The following KCNN2 variants were observed in gnomAD, a reference collection of about 807,000 sequenced individuals.
KCNN2 encodes the protein potassium calcium-activated channel subfamily N member 2, also known as small conductance calcium-activated potassium channel protein 2.
In KCNN2, 24 loss-of-function variants were observed where a neutral mutation model predicts 55.5. The ratio of observed to expected loss-of-function variants is 0.43; its 90% confidence interval spans 0.31 to 0.61. The LOEUF (loss-of-function observed/expected upper bound fraction) is 0.61. Ranked by LOEUF, KCNN2 falls within the 20% of genes least tolerant of loss-of-function variation. The pLI, the probability that KCNN2 is intolerant of heterozygous loss-of-function variation, is 0.08. For missense variants in KCNN2, 754 were observed against 853.6 expected (o/e 0.88, Z 1.45); for synonymous variants, 431 against 336.1 (o/e 1.28, Z -3.09).
chr5:114,285,283 CAAAAAAA>C (rs70976334), intron 2 of KCNN2, among the ~76,000 whole-genome samples: 1 of 56,276 alleles, frequency 1.8e-5, no homozygotes, highest in Non-Finnish European at 3.0e-5. Context: ...ACTCCATCTC[CAAAAAAA>C]AAAAAAAAAA....
intron 2 of KCNN2, among the ~76,000 whole-genome samples, chr5:114,355,591 C>T (rs1757280985): frequency 6.6e-6 from 1 of 152,168 alleles, no homozygotes; most frequent in Non-Finnish European, 1.5e-5. Flanking sequence ...AGCCTGGCTT[C>T]CTTTCTCCGG....
At chr5:114,060,021 C>T (rs1051191328) in intron 1 of KCNN2, among the ~76,000 whole-genome samples, 6 of 152,214 alleles carry the variant, frequency 3.9e-5, no homozygotes, top group South Asian at 2.1e-4. Context: ...CGGCACTGGC[C>T]GAAACAGTCC....
At chr5:114,109,300 C>T (rs562935607) in intron 1 of KCNN2, among the ~76,000 whole-genome samples, 65 of 152,180 alleles carry the variant, frequency 4.3e-4, no homozygotes, top group African/African-American at 1.4e-3. Context: ...TGAAGAGAAT[C>T]AGTCATTAAG....
At chr5:114,235,620 T>A (rs1754475475) in intron 2 of KCNN2, among the ~76,000 whole-genome samples, 1 of 152,196 alleles carries the variant, frequency 6.6e-6, no homozygotes, top group African/African-American at 2.4e-5. Flanking sequence ...TTTTGCTATG[T>A]TTCTGGGTGA....
At chr5:114,290,067 T>G (rs62382901) in intron 2 of KCNN2, among the ~76,000 whole-genome samples, 1 of 152,080 alleles carries the variant, frequency 6.6e-6, no homozygotes, top group Non-Finnish European at 1.5e-5. Context: ...TGGCCTGTAG[T>G]CTTCTCTTCT....
At position 114,066,737 on chromosome 5, in the gene KCNN2, G is replaced by A. The variant is rs1391201791; in HGVS notation, c.-271+10237G>A. Among the ~76,000 whole-genome samples the A allele has an allele frequency of 9.9e-5, 15 of 152,018 alleles. No individual in the cohort carries two copies. The South Asian group carries it at 1.2e-3, about 13-fold the overall frequency. ...TGGGACTACAGGCGCACGCCACCAC[G>A]CCCAGCTAATTTTTGTGTGTTTTAG... On this transcript the variant is annotated intron_variant, in intron 1 of 10. Coordinates refer to the KCNN2 transcript ENST00000512097.
At chr5:114,170,242 A>C (rs1399854032) in intron 1 of KCNN2, among the ~76,000 whole-genome samples, 1 of 152,104 alleles carries the variant, frequency 6.6e-6, no homozygotes, top group Non-Finnish European at 1.5e-5. Flanking sequence ...CTTATATGTA[A>C]CACTCTTACA....
intron 1 of KCNN2, among the ~76,000 whole-genome samples, chr5:114,074,636 G>A (rs1173536125): frequency 6.6e-6 from 1 of 152,210 alleles, no homozygotes; most frequent in Non-Finnish European, 1.5e-5. Context: ...ACCCTGTGTG[G>A]TGAAGCAAGC....
chr5:114,357,668 A>G (rs540059842), upstream of KCNN2, among the ~76,000 whole-genome samples: 836 of 111,220 alleles, frequency 7.5e-3, 9 homozygotes, highest in Middle Eastern at 0.044. Flanking sequence ...CATGGTGTAT[A>G]TGTGCCACAT....
chr5:114,161,112 C>T (rs1434301796), intron 1 of KCNN2, among the ~76,000 whole-genome samples: 1 of 152,162 alleles, frequency 6.6e-6, no homozygotes, highest in Non-Finnish European at 1.5e-5. Context: ...ATGGTTTTCA[C>T]AATTAGGCAT....
chr5:114,446,033 T>A (rs1760392405), intron 3 of KCNN2, among the ~76,000 whole-genome samples: 1 of 152,206 alleles, frequency 6.6e-6, no homozygotes, highest in Non-Finnish European at 1.5e-5. Flanking sequence ...ATGTCAGAAT[T>A]TCTGGATAGA....
intron 2 of KCNN2, among the ~76,000 whole-genome samples, chr5:114,283,173 C>T (rs559995956): frequency 6.6e-6 from 1 of 152,012 alleles, no homozygotes; most frequent in Non-Finnish European, 1.5e-5. Context: ...CCTTCTGAAA[C>T]TCAAATTTAA....
intron 1 of KCNN2, among the ~76,000 whole-genome samples, chr5:114,078,486 G>C (rs1336438799): frequency 6.6e-6 from 1 of 152,174 alleles, no homozygotes; most frequent in African/African-American, 2.4e-5. Context: ...GTACCATCCA[G>C]GATCCTTCCC....
At chr5:114,419,238 A>G (rs1759399825) in intron 3 of KCNN2, among the ~76,000 whole-genome samples, 1 of 152,250 alleles carries the variant, frequency 6.6e-6, no homozygotes, top group African/African-American at 2.4e-5. Context: ...TGTTTTTGTA[A>G]AGCCTATGAG....
chr5:114,197,866 T>C (rs78399742), intron 1 of KCNN2, among the ~76,000 whole-genome samples: 3,799 of 152,266 alleles, frequency 0.025, 141 homozygotes, highest in African/African-American at 0.086. Flanking sequence ...ATGCCACAGA[T>C]TCTTACTTTT....
intron 1 of KCNN2, among the ~76,000 whole-genome samples, chr5:114,139,566 A>G (rs1752235326): frequency 6.7e-6 from 1 of 150,224 alleles, no homozygotes; most frequent in African/African-American, 2.4e-5. Flanking sequence ...TAGATATTAT[A>G]ATAATAATTT....
intron 2 of KCNN2, among the ~76,000 whole-genome samples, chr5:114,255,491 G>A (rs763047633): frequency 6.6e-6 from 1 of 152,214 alleles, no homozygotes; most frequent in African/African-American, 2.4e-5. Flanking sequence ...TAGAGAGGTA[G>A]CGGTGAGAGA....
chr5:114,151,698 C>G (rs1193080451), intron 1 of KCNN2, among the ~76,000 whole-genome samples: 1 of 151,968 alleles, frequency 6.6e-6, no homozygotes, highest in African/African-American at 2.4e-5. Context: ...GAGTCACCAC[C>G]TCAGCTGCTA....
intron 2 of KCNN2, among the ~76,000 whole-genome samples, chr5:114,398,972 A>G (rs570933503): frequency 3.7e-4 from 57 of 152,326 alleles, no homozygotes; most frequent in Middle Eastern, 6.8e-3. Context: ...TAAGTATAAA[A>G]TCATGTCACC....
Sources: gnomAD v4.1 joint callset for allele counts (sites outside exome capture counted in the v4.1 genomes callset) on GRCh38, gnomAD v4.1.1 for gene constraint, MANE v1.5 for transcripts, NCBI Gene and HGNC (gene_info 2026-07-23, HGNC 2026-07-21) for gene names.